Variants in DLGAP2 observed in about 807,000 individuals in gnomAD.
DLGAP2 encodes disks large-associated protein 2.
In DLGAP2, 26 loss-of-function variants were observed where a neutral mutation model predicts 100.3. The ratio of observed to expected loss-of-function variants is 0.26; its 90% confidence interval spans 0.19 to 0.36. The LOEUF (loss-of-function observed/expected upper bound fraction) is 0.36, where lower values mean the gene tolerates loss of function less well. Among genes scored for constraint, DLGAP2 ranks in the 10% least tolerant of loss-of-function variants. The pLI is 1.00. For missense variants in DLGAP2, 1,858 were observed against 1,453.2 expected (o/e 1.28, Z -4.53); for synonymous variants, 886 against 630.1 (o/e 1.41, Z -6.08).
intron 4 of DLGAP2, among the ~76,000 whole-genome samples, chr8:1,535,394 C>T (rs575311531): frequency 7.2e-5 from 11 of 152,318 alleles, no homozygotes; most frequent in Admixed American, 3.9e-4. Flanking sequence ...ACATGAAATG[C>T]GCTTGCCTGG....
At chr8:742,067 C>G (rs148056482) in intron 1 of DLGAP2, among the ~76,000 whole-genome samples, 2 of 152,320 alleles carry the variant, frequency 1.3e-5, no homozygotes, top group African/African-American at 4.8e-5. Flanking sequence ...CCGTGACTTT[C>G]AGTTACATAA....
intron 1 of DLGAP2, among the ~76,000 whole-genome samples, chr8:866,859 A>G (rs1267311180): frequency 6.6e-6 from 1 of 152,082 alleles, no homozygotes; most frequent in African/African-American, 2.4e-5. Context: ...TTGTTGGGAG[A>G]AGCTGCTCAG....
At chr8:792,299 A>G (rs2132641309) in intron 1 of DLGAP2, among the ~76,000 whole-genome samples, 3 of 152,348 alleles carry the variant, frequency 2.0e-5, no homozygotes, top group Admixed American at 2.0e-4. Context: ...TGGTTGTCAA[A>G]TGACAACCCA....
intron 2 of DLGAP2, among the ~76,000 whole-genome samples, chr8:1,055,722 C>G (rs1393407228): frequency 1.3e-5 from 2 of 152,208 alleles, no homozygotes; most frequent in African/African-American, 4.8e-5. Flanking sequence ...GCCATAATAG[C>G]CCGGGAATCG....
At chr8:1,699,487 G>A (rs568462220) in intron 14 of DLGAP2, among the ~76,000 whole-genome samples, 8 of 151,986 alleles carry the variant, frequency 5.3e-5, no homozygotes, top group Admixed American at 2.0e-4. Flanking sequence ...GGTGGTGGGC[G>A]CCTGTAGTCC....
intron 2 of DLGAP2, among the ~76,000 whole-genome samples, chr8:929,802 T>G (rs1238089111): frequency 6.6e-6 from 1 of 150,778 alleles, no homozygotes; most frequent in Non-Finnish European, 1.5e-5. Context: ...AATATTGATC[T>G]TGGTTTCCAT....
At chr8:877,988 C>T (rs1023642567) in intron 1 of DLGAP2, among the ~76,000 whole-genome samples, 1 of 152,192 alleles carries the variant, frequency 6.6e-6, no homozygotes, top group Non-Finnish European at 1.5e-5. Flanking sequence ...CCTGAATTTT[C>T]GTAGCTTCTC....
chr8:1,261,778 G>T (rs1196868605), intron 3 of DLGAP2, among the ~76,000 whole-genome samples: 1 of 152,238 alleles, frequency 6.6e-6, no homozygotes, highest in Non-Finnish European at 1.5e-5. Context: ...AATCATTTAA[G>T]TAATTAGTCT....
chr8:1,542,771 G>A (rs1221436693), intron 4 of DLGAP2, among the ~76,000 whole-genome samples: 1 of 152,082 alleles, frequency 6.6e-6, no homozygotes, highest in Non-Finnish European at 1.5e-5. Context: ...AGACTCACTG[G>A]GGCTTTTGGT....
intron 2 of DLGAP2, among the ~76,000 whole-genome samples, chr8:993,839 T>A (rs1425350732): frequency 2.0e-5 from 3 of 146,772 alleles, no homozygotes; most frequent in Non-Finnish European, 4.5e-5. Flanking sequence ...TTGCTTTCTG[T>A]TGAGGGCCTT....
At chr8:1,317,466 T>C (rs190325013) in intron 3 of DLGAP2, among the ~76,000 whole-genome samples, 4,860 of 141,938 alleles carry the variant, frequency 0.034, 4 homozygotes, top group Non-Finnish European at 0.051. Context: ...GCTGTGCGAG[T>C]GCAGCGTCTC....
At chr8:1,176,525 C>T (rs181430363) in intron 2 of DLGAP2, among the ~76,000 whole-genome samples, 26 of 152,384 alleles carry the variant, frequency 1.7e-4, no homozygotes, top group African/African-American at 5.8e-4. Flanking sequence ...CCTGCCCTCA[C>T]AGCCGCCCTG....
rs558982109 is a variant in DLGAP2, at chr8:1,583,664, G to A, written c.1442+17770G>A. ...ACGTTTTTGCCTTTCCTGATGCTGA[G>A]ACTCCATTTGGTATCTGGGCTCTCA... On this transcript the variant is annotated intron_variant, in intron 6 of 14. Coordinates refer to ENST00000637795, the MANE Select transcript of DLGAP2 (RefSeq NM_001346810.2). 2.3e-4 allele frequency among the ~76,000 whole-genome samples: 35 copies of A among 152,238 alleles called. No homozygotes were observed. The South Asian group carries it at 4.4e-3, about 19-fold the overall frequency.
chr8:1,328,171 C>T (rs1031382823), intron 3 of DLGAP2, among the ~76,000 whole-genome samples: 1 of 151,974 alleles, frequency 6.6e-6, no homozygotes, highest in Non-Finnish European at 1.5e-5. Flanking sequence ...TCCCAAGTAG[C>T]CGGGACTACA....
chr8:1,231,706 C>T (rs1000880673), intron 2 of DLGAP2, among the ~76,000 whole-genome samples: 3 of 152,088 alleles, frequency 2.0e-5, no homozygotes, highest in Admixed American at 6.5e-5. Context: ...GGTCATTATA[C>T]TAAAAGAACT....
intron 2 of DLGAP2, among the ~76,000 whole-genome samples, chr8:1,068,744 C>T (rs1054782372): frequency 7.4e-5 from 11 of 148,910 alleles, no homozygotes; most frequent in South Asian, 2.1e-4. Context: ...CATGTGGGTC[C>T]GGGATATGCC....
intron 4 of DLGAP2, among the ~76,000 whole-genome samples, chr8:1,511,709 G>A (rs972041247): frequency 2.0e-5 from 3 of 151,522 alleles, no homozygotes; most frequent in African/African-American, 4.9e-5. Flanking sequence ...TTCCATGGAC[G>A]TAAGTGCTGT....
chr8:860,318 C>T (rs1240887640), intron 1 of DLGAP2, among the ~76,000 whole-genome samples: 1 of 152,218 alleles, frequency 6.6e-6, no homozygotes. Context: ...CACTGGCTGC[C>T]GCTGCCAGCT....
intron 1 of DLGAP2, among the ~76,000 whole-genome samples, chr8:854,882 C>A (rs1387978593): frequency 6.6e-6 from 1 of 152,184 alleles, no homozygotes; most frequent in Non-Finnish European, 1.5e-5. Flanking sequence ...CCACAGGTAT[C>A]AGGAAACAGT....
Sources: allele counts gnomAD v4.1 joint callset (sites outside exome capture counted in the v4.1 genomes callset), GRCh38; gene constraint gnomAD v4.1.1; transcripts MANE v1.5; gene names NCBI Gene and HGNC (gene_info 2026-07-23, HGNC 2026-07-21).